SPATA6: variants seen among roughly 807,000 people sequenced by gnomAD.
SPATA6 encodes the protein spermatogenesis associated 6.
SPATA6 carries 56 observed loss-of-function variants against 65.3 expected under a neutral mutation model. The ratio of observed to expected loss-of-function variants is 0.86; its 90% confidence interval spans 0.69 to 1.07. The LOEUF is 1.07. Among genes scored for constraint, SPATA6 ranks in the 50% least tolerant of loss-of-function variants. The pLI is 0.00. For missense variants in SPATA6, 590 were observed against 594.8 expected (o/e 0.99, Z 0.08); for synonymous variants, 199 against 213.2 (o/e 0.93, Z 0.58).
chr1:48,336,912 A>G (rs1350584253), intron 11 of SPATA6, among the ~76,000 whole-genome samples: 1 of 151,952 alleles, frequency 6.6e-6, no homozygotes, highest in African/African-American at 2.4e-5. Context: ...AGAAAACCCA[A>G]ATAACTGATA....
intron 11 of SPATA6, among the ~76,000 whole-genome samples, chr1:48,353,482 T>A (rs1389729779): frequency 6.7e-6 from 1 of 149,126 alleles, no homozygotes; most frequent in Non-Finnish European, 1.5e-5. Context: ...CCTTTACATA[T>A]AATGACATAA....
rs755315175 is a variant in SPATA6 at position 48,305,794 on chromosome 1, C to G, written c.1279G>C (p.Glu427Gln). 1 of 1,609,106 alleles carries G rather than the reference C, an allele frequency of 6.2e-7. No individual in the cohort carries two copies. Among genetic ancestry groups the G allele is most frequent in the South Asian group, 1.1e-5 (1 of 90,674 alleles). ...CATATATTTCATTCATACCTATACT[C>G]GGGGTCACTGTCATAGGCAGAGTCT... is the stretch of plus-strand genomic sequence containing the variant. Reference protein sequence around the residue: ...CRDSAYDSDPEYSSCQQPRGT... With the variant: ...CRDSAYDSDPQYSSCQQPRGT... The change falls in exon 12 of 13, where the codon GAG becomes CAG. Residue 427 changes from glutamate (E) to glutamine (Q), a missense_variant. By Grantham distance (29) the Glu-to-Gln change is conservative. Transcript: ENST00000371847.
chr1:48,363,618 A>G (rs933209985), intron 9 of SPATA6, among the ~76,000 whole-genome samples: 1 of 152,034 alleles, frequency 6.6e-6, no homozygotes, highest in African/African-American at 2.4e-5. Context: ...TACATTTATG[A>G]AAAGAGTTTT....
intron 3 of SPATA6, chr1:48,436,109 A>G (rs1252691914): frequency 4.3e-6 from 7 of 1,609,950 alleles, no homozygotes; most frequent in Non-Finnish European, 5.9e-6. Flanking sequence ...AGAGCCAGTG[A>G]AGTACTATGT....
chr1:48,309,741 C>T (rs1179246945), intron 11 of SPATA6, among the ~76,000 whole-genome samples: 1 of 152,146 alleles, frequency 6.6e-6, no homozygotes, highest in East Asian at 1.9e-4. Context: ...CTTAGTTCTG[C>T]AAAGTCAACA....
intron 3 of SPATA6, chr1:48,436,110 A>G (rs1570570460): frequency 6.2e-7 from 1 of 1,609,964 alleles, no homozygotes; most frequent in African/African-American, 1.3e-5. Context: ...GAGCCAGTGA[A>G]GTACTATGTT....
intron 3 of SPATA6, among the ~76,000 whole-genome samples, chr1:48,421,137 G>T (rs1327296031): frequency 6.6e-6 from 1 of 152,088 alleles, no homozygotes; most frequent in Non-Finnish European, 1.5e-5. Flanking sequence ...GCACAGTAGG[G>T]TGACCATAGT....
the SPATA6 span, among the ~76,000 whole-genome samples, chr1:48,283,697 A>AGAAAAAAAGAAAGAAAGAAAG: frequency 8.3e-5 from 1 of 12,002 alleles, no homozygotes; most frequent in Non-Finnish European, 2.3e-4. Context: ...AAAAAAAAAA[A>AGAAAAAAAGAAAGAAAGAAAG]AAAGAAAGAA....
intron 7 of SPATA6, among the ~76,000 whole-genome samples, chr1:48,398,310 T>A (rs769311947): frequency 2.6e-5 from 4 of 151,586 alleles, no homozygotes; most frequent in Non-Finnish European, 5.9e-5. Flanking sequence ...AAACGACTCA[T>A]AGTCAAAATA....
intron 12 of SPATA6, among the ~76,000 whole-genome samples, chr1:48,304,343 C>T (rs566618962): frequency 6.6e-6 from 1 of 152,172 alleles, no homozygotes; most frequent in African/African-American, 2.4e-5. Context: ...TGAGAGGTAC[C>T]AAATTGTTCA....
At chr1:48,285,124 T>C in the SPATA6 span, among the ~76,000 whole-genome samples, 12 of 152,308 alleles carry the variant, frequency 7.9e-5, no homozygotes, top group South Asian at 2.3e-3. Context: ...AGAGATGCCA[T>C]GCCAAGAGAG....
intron 3 of SPATA6, among the ~76,000 whole-genome samples, chr1:48,438,743 AAAC>A (rs1655180663): frequency 6.6e-6 from 1 of 152,118 alleles, no homozygotes; most frequent in Non-Finnish European, 1.5e-5. Context: ...CCGCTTCTAA[AAAC>A]CACTCCCTGT....
At chr1:48,391,222 A>T (rs1650031328) in intron 8 of SPATA6, among the ~76,000 whole-genome samples, 1 of 151,086 alleles carries the variant, frequency 6.6e-6, no homozygotes, top group Admixed American at 6.6e-5. Flanking sequence ...AAAAAAAAAA[A>T]ATTAGTTGGG....
At chr1:48,447,917 C>T (rs1465546920) in intron 3 of SPATA6, 1 of 152,064 alleles carries the variant, frequency 6.6e-6, no homozygotes, top group African/African-American at 2.4e-5. Flanking sequence ...GAAATTTACA[C>T]CTTTAAAAGC....
chr1:48,304,421 G>A (rs1199501324), intron 12 of SPATA6, among the ~76,000 whole-genome samples: 2 of 152,096 alleles, frequency 1.3e-5, no homozygotes, highest in Non-Finnish European at 1.5e-5. Context: ...TGGGGTTTAC[G>A]GCAAACTTTA....
At chr1:48,277,536 T>G in the SPATA6 span, among the ~76,000 whole-genome samples, 2 of 152,186 alleles carry the variant, frequency 1.3e-5, no homozygotes, top group Non-Finnish European at 2.9e-5. Flanking sequence ...TATCCCGCAC[T>G]TGGCTCGGAG....
chr1:48,464,375 C>A (rs919065368), intron 1 of SPATA6, among the ~76,000 whole-genome samples: 6 of 152,022 alleles, frequency 3.9e-5, no homozygotes, highest in African/African-American at 9.7e-5. Flanking sequence ...TATTTTCAAA[C>A]AACGTCATTT....
At chr1:48,311,930 T>A (rs755576062) in intron 11 of SPATA6, among the ~76,000 whole-genome samples, 2 of 152,186 alleles carry the variant, frequency 1.3e-5, no homozygotes, top group African/African-American at 2.4e-5. Flanking sequence ...TATCCCGCGA[T>A]TGGCTTGGAG....
At chr1:48,350,348 G>C (rs1646483212) in intron 11 of SPATA6, among the ~76,000 whole-genome samples, 1 of 145,192 alleles carries the variant, frequency 6.9e-6, no homozygotes, top group Admixed American at 6.9e-5. Context: ...ACTCATATAT[G>C]TGATTTTAAA....
Sources: gnomAD v4.1 joint callset for allele counts (sites outside exome capture counted in the v4.1 genomes callset) on GRCh38, gnomAD v4.1.1 for gene constraint, MANE v1.5 for transcripts, NCBI Gene and HGNC (gene_info 2026-07-23, HGNC 2026-07-21) for gene names.